STT3B: variants seen among roughly 807,000 people sequenced by gnomAD.
The protein encoded by STT3B is dolichyl-diphosphooligosaccharide--protein glycosyltransferase subunit STT3B.
STT3B carries 29 observed loss-of-function variants against 96.8 expected under a neutral mutation model. The ratio of observed to expected loss-of-function variants is 0.30; its 90% CI spans 0.22 to 0.41. STT3B has a LOEUF of 0.41. Ranked by LOEUF, STT3B falls within the 10% of genes least tolerant of loss-of-function variation. The pLI, the probability that STT3B is intolerant of heterozygous loss-of-function variation, is 1.00. For missense variants in STT3B, 640 were observed against 1,022.3 expected (o/e 0.63, Z 5.10); for synonymous variants, 367 against 360.0 (o/e 1.02, Z -0.22).
chr3:31,575,458 G>C (rs1698243438), intron 1 of STT3B, among the ~76,000 whole-genome samples: 1 of 151,166 alleles, frequency 6.6e-6, no homozygotes, highest in African/African-American at 2.4e-5. Context: ...TCAAATGCTT[G>C]ATTTTTTTGG....
At chr3:31,615,014 T>G in intron 5 of STT3B, 91 bp from the exon 6 acceptor site, 1 of 677,350 alleles carries the variant, frequency 1.5e-6, no homozygotes. Context: ...CAGTTAATAC[T>G]TTGCTAAAAA....
chr3:31,610,878 C>T (rs1013883760), intron 5 of STT3B, among the ~76,000 whole-genome samples: 9 of 152,104 alleles, frequency 5.9e-5, no homozygotes, highest in African/African-American at 2.2e-4. Flanking sequence ...GTAATGAATG[C>T]CAGTAACTGT....
intron 3 of STT3B, 123 bp downstream of exon 3, chr3:31,580,219 G>GC: frequency 5.7e-6 from 5 of 882,106 alleles, no homozygotes; most frequent in South Asian, 5.3e-5. Flanking sequence ...CTGTATTACT[G>GC]TTCATAATCA....
intron 1 of STT3B, among the ~76,000 whole-genome samples, chr3:31,552,241 T>C (rs916509871): frequency 3.3e-5 from 5 of 152,274 alleles, no homozygotes; most frequent in Non-Finnish European, 7.3e-5. Context: ...CATCTCTGAA[T>C]GTTACTACCT....
Position 31,533,322 on chromosome 3 carries a change from T to C in STT3B, c.314+10T>C. The C allele has an allele frequency of 6.6e-7, 1 of 1,513,960 alleles. No homozygotes were observed. The highest frequency in any genetic ancestry group is 1.2e-5 in the South Asian group (1 of 81,954). 93.8% of individuals were successfully genotyped at this position (1,513,960 alleles called of 1,614,324 possible). A position where few individuals can be genotyped will look rare whatever the true frequency, so the allele number is the denominator to read the frequency against. On this transcript the variant is annotated intron_variant, in intron 1 of 15. Transcript: ENST00000295770. ...ACGAGTTCGACCCGTGGTAAGTGCCTCGCCGCCCCTCCCCCGCCCGTGGCC... is the reference window on the plus strand; with the variant it reads ...ACGAGTTCGACCCGTGGTAAGTGCCCCGCCGCCCCTCCCCCGCCCGTGGCC...
intron 1 of STT3B, among the ~76,000 whole-genome samples, chr3:31,555,622 CAACTT>C (rs1697685997): frequency 6.6e-6 from 1 of 152,024 alleles, no homozygotes; most frequent in Non-Finnish European, 1.5e-5. Flanking sequence ...TATCCAATCT[CAACTT>C]ATTTATACTT....
chr3:31,542,284 T>G (rs943675370), intron 1 of STT3B, among the ~76,000 whole-genome samples: 1 of 152,208 alleles, frequency 6.6e-6, no homozygotes, highest in Non-Finnish European at 1.5e-5. Context: ...TTGATACTTC[T>G]TGAAAGCAGG....
At chr3:31,635,753 T>C (rs1699743992) in intron 15 of STT3B, among the ~76,000 whole-genome samples, 1 of 152,196 alleles carries the variant, frequency 6.6e-6, no homozygotes, top group South Asian at 2.1e-4. Flanking sequence ...ATTCACTTGA[T>C]GGTGAGGATG....
chr3:31,602,688 C>A (rs1698958104), intron 5 of STT3B, among the ~76,000 whole-genome samples: 1 of 133,022 alleles, frequency 7.5e-6, no homozygotes. Flanking sequence ...TTTTTGGTCA[C>A]TCTAGAAAAA....
At chr3:31,628,547 A>G (rs1382072822) in intron 13 of STT3B, among the ~76,000 whole-genome samples, 1 of 152,150 alleles carries the variant, frequency 6.6e-6, no homozygotes, top group South Asian at 2.1e-4. Context: ...AATTCCTGGA[A>G]AAGGAATTTC....
intron 3 of STT3B, among the ~76,000 whole-genome samples, chr3:31,588,577 G>A (rs1386081115): frequency 6.6e-6 from 1 of 151,928 alleles, no homozygotes; most frequent in African/African-American, 2.4e-5. Context: ...CCATGTTTGG[G>A]CTACCACTAG....
chr3:31,550,861 TC>T (rs1177812591), intron 1 of STT3B, among the ~76,000 whole-genome samples: 1 of 152,126 alleles, frequency 6.6e-6, no homozygotes, highest in Non-Finnish European at 1.5e-5. Context: ...TTGTTTTTGA[TC>T]CTGCCACTAG....
chr3:31,564,738 A>G (rs1332512681), intron 1 of STT3B, among the ~76,000 whole-genome samples: 6 of 152,182 alleles, frequency 3.9e-5, no homozygotes, highest in African/African-American at 1.2e-4. Flanking sequence ...GCAAGGTGCA[A>G]AGTTCATCAG....
chr3:31,569,095 A>T (rs1698077663), intron 1 of STT3B, among the ~76,000 whole-genome samples: 1 of 152,058 alleles, frequency 6.6e-6, no homozygotes. Flanking sequence ...CTGCAGCCTC[A>T]AACTTCTGGG....
At chr3:31,555,377 T>G (rs1051797032) in intron 1 of STT3B, among the ~76,000 whole-genome samples, 5 of 152,260 alleles carry the variant, frequency 3.3e-5, no homozygotes, top group Non-Finnish European at 7.4e-5. Flanking sequence ...AAGCTTTATA[T>G]TTAAAGAAAA....
intron 15 of STT3B, among the ~76,000 whole-genome samples, chr3:31,635,705 G>A (rs900667962): frequency 2.0e-5 from 3 of 152,178 alleles, no homozygotes; most frequent in Admixed American, 1.3e-4. Flanking sequence ...AATAATTACA[G>A]CTCAGCACTT....
chr3:31,534,947 TAAGC>T (rs1697050190), intron 1 of STT3B, among the ~76,000 whole-genome samples: 1 of 152,220 alleles, frequency 6.6e-6, no homozygotes, highest in South Asian at 2.1e-4. Context: ...TTGAAATACT[TAAGC>T]AAGTTAGATA....
intron 10 of STT3B, 21 bp downstream of exon 10, chr3:31,622,329 C>T (rs890053753): frequency 5.0e-6 from 8 of 1,585,930 alleles, no homozygotes; most frequent in Non-Finnish European, 6.9e-6. Context: ...TAAAGTAAGG[C>T]CTTTAAATTG....
chr3:31,564,053 A>G (rs77681977), intron 1 of STT3B, among the ~76,000 whole-genome samples: 10,340 of 152,302 alleles, frequency 0.068, 489 homozygotes, highest in Non-Finnish European at 0.11. Flanking sequence ...AGCATTGAAT[A>G]TCAAGTATAC....
Sources: allele counts gnomAD v4.1 joint callset (sites outside exome capture counted in the v4.1 genomes callset), GRCh38; gene constraint gnomAD v4.1.1; transcripts MANE v1.5; gene names NCBI Gene and HGNC (gene_info 2026-07-23, HGNC 2026-07-21).